PLEKHA7: variants seen among roughly 807,000 people sequenced by gnomAD.
The protein encoded by PLEKHA7 is pleckstrin homology domain-containing family A member 7.
A neutral mutation model predicts 170.0 loss-of-function variants in PLEKHA7; 104 were observed. That is an observed-to-expected ratio of 0.61 (90% CI 0.52 to 0.72). The LOEUF (loss-of-function observed/expected upper bound fraction) is 0.72. Ranked by LOEUF, PLEKHA7 falls within the 30% of genes least tolerant of loss-of-function variation. The pLI, the probability that PLEKHA7 is intolerant of heterozygous loss-of-function variation, is 0.00. For missense variants in PLEKHA7, 1,615 were observed against 1,671.7 expected, an observed-to-expected ratio of 0.97 and a Z score of 0.59; for synonymous variants, 648 against 660.8, an observed-to-expected ratio of 0.98 and a Z score of 0.30.
chr11:16,843,921 T>A (rs385943), intron 8 of PLEKHA7, among the ~76,000 whole-genome samples: 15,956 of 152,126 alleles, frequency 0.1, 905 homozygotes, highest in East Asian at 0.16. Context: ...TGGGTGACAG[T>A]GTGAGACTCT....
intron 3 of PLEKHA7, among the ~76,000 whole-genome samples, chr11:16,930,418 C>T: frequency 6.6e-6 from 1 of 151,982 alleles, no homozygotes; most frequent in Non-Finnish European, 1.5e-5. Context: ...TTCACTCCAG[C>T]CTGAGCAACA....
rs371208771 is a variant in PLEKHA7 at position 16,817,055 on chromosome 11, G to A, written c.1611C>T (p.Pro537=). 2.5e-6 allele frequency: 4 copies of A among 1,610,390 alleles called. No homozygotes were observed. The highest frequency in any genetic ancestry group is 3.4e-6 in the Non-Finnish European group (4 of 1,177,926). Residue 537 remains proline, a synonymous_variant, in exon 11 of 27, where the codon CCC becomes CCT. Transcript: ENST00000531066. The surrounding 1 kb of genome is among the most constrained non-coding windows in gnomAD (Gnocchi z 4.4). ...GGGAGCCAAGGCAGATGGGCGCTGT[G>A]GGGCTGCCGTGCCGGAACTGCTGGC... is the stretch of plus-strand genomic sequence containing the variant. The part of the protein sequence containing the change: ...QQRQQFRHGS[P]TAPICLGSPE...
chr11:16,861,537 T>G (rs1853952895), intron 4 of PLEKHA7, among the ~76,000 whole-genome samples: 1 of 151,916 alleles, frequency 6.6e-6, no homozygotes, highest in Non-Finnish European at 1.5e-5. Flanking sequence ...TAGTCCCACC[T>G]ACTAGGGAGG....
intron 3 of PLEKHA7, among the ~76,000 whole-genome samples, chr11:16,886,060 C>A (rs1856077820): frequency 6.6e-6 from 1 of 152,010 alleles, no homozygotes. Context: ...ACTGTTTCTT[C>A]CACAGAGTGA....
chr11:16,931,102 A>G (rs965331900), intron 3 of PLEKHA7, among the ~76,000 whole-genome samples: 2 of 152,226 alleles, frequency 1.3e-5, no homozygotes, highest in African/African-American at 4.8e-5. Context: ...AGCTTTATTG[A>G]TTTTTTAAAA....
chr11:16,882,860 T>TCACACA (rs768102944), intron 3 of PLEKHA7, among the ~76,000 whole-genome samples: 36 of 151,842 alleles, frequency 2.4e-4, no homozygotes, highest in African/African-American at 8.0e-4. Flanking sequence ...ATACACATAT[T>TCACACA]CACACACACA....
chr11:16,956,879 C>G (rs571087333), intron 3 of PLEKHA7, among the ~76,000 whole-genome samples: 1 of 116,862 alleles, frequency 8.6e-6, no homozygotes, highest in African/African-American at 3.4e-5. Flanking sequence ...AGCAGTTTAA[C>G]CAGTCAATGC....
intron 3 of PLEKHA7, among the ~76,000 whole-genome samples, chr11:16,949,441 A>G (rs1861267428): frequency 6.6e-6 from 1 of 152,216 alleles, no homozygotes; most frequent in African/African-American, 2.4e-5. Flanking sequence ...TGAAAATTGT[A>G]AACTCTCAGA....
intron 11 of PLEKHA7, 111 bp downstream of exon 11, chr11:16,816,689 G>A: frequency 1.5e-6 from 2 of 1,300,990 alleles, no homozygotes; most frequent in Non-Finnish European, 2.1e-6. Context: ...TACTGCCTAA[G>A]TATTAGCTAT....
At chr11:16,828,848 T>G (rs1850874706) in intron 9 of PLEKHA7, among the ~76,000 whole-genome samples, 1 of 152,188 alleles carries the variant, frequency 6.6e-6, no homozygotes, top group African/African-American at 2.4e-5. Flanking sequence ...GGGTTGGAGC[T>G]GCTGCAACTA....
At position 17,014,036 on chromosome 11, in the gene PLEKHA7, G is replaced by A; in HGVS notation, c.174C>T (p.Arg58=). Residue 58 remains arginine, a synonymous_variant, in exon 3 of 27, where the codon CGC becomes CGT. Coordinates refer to ENST00000531066, the MANE Select transcript of PLEKHA7 (RefSeq NM_001329630.2). ...CCTCCGTGAAGCCCTCCTCCCAGCC[G>A]CGGGGCAGGTCTGCGGAAACGCCAG... ...SGHMIRSDLP[R]GWEEGFTEEG... The A allele has an allele frequency of 1.3e-6, 2 of 1,558,302 alleles. No homozygotes were observed. Among genetic ancestry groups the A allele is most frequent in the Non-Finnish European group, 8.7e-7 (1 of 1,152,072 alleles).
intron 3 of PLEKHA7, among the ~76,000 whole-genome samples, chr11:16,987,407 T>C (rs1863801630): frequency 6.6e-6 from 1 of 152,034 alleles, no homozygotes. Flanking sequence ...TCCCTCCTTT[T>C]CCTCCTTAAG....
Position 16,789,303 on chromosome 11 carries a change from A to T in PLEKHA7, c.3157-7T>A. ...CCAAGGCACTCTTAGGTCTCTGAGG[A>T]AGAGGAGGCAGGCAAGAGAGACACA... is the stretch of plus-strand genomic sequence containing the variant. On this transcript the variant is annotated splice_polypyrimidine_tract_variant and splice_region_variant and intron_variant, in intron 22 of 26. Transcript: ENST00000531066. The surrounding 1 kb of genome is among the most constrained non-coding windows in gnomAD (Gnocchi z 4.6). 4 of 1,612,462 alleles carry T rather than the reference A, an allele frequency of 2.5e-6. No homozygotes were observed. The highest frequency in any genetic ancestry group is 3.4e-6 in the Non-Finnish European group (4 of 1,179,908).
In PLEKHA7 at chr11:16,951,044, A is replaced by G. The variant is rs568628999; in HGVS notation, c.221+62945T>C. On this transcript the variant is annotated intron_variant, in intron 3 of 26. Coordinates refer to ENST00000531066, the MANE Select transcript of PLEKHA7 (RefSeq NM_001329630.2). ...TCCCCAACATCCTTCTATTCTTTTA[A>G]TCATAACATTTACTGAGTGCTTGCT... 3.3e-5 allele frequency among the ~76,000 whole-genome samples: 5 copies of G among 152,260 alleles called. No individual in the cohort carries two copies. The East Asian group carries it at 7.7e-4, about 23-fold the overall frequency.
intron 3 of PLEKHA7, among the ~76,000 whole-genome samples, chr11:16,987,182 G>GCAAT (rs1411423830): frequency 6.6e-6 from 1 of 152,120 alleles, no homozygotes; most frequent in African/African-American, 2.4e-5. Flanking sequence ...GTTCACAGGG[G>GCAAT]CAATGCCTTG....
intron 3 of PLEKHA7, among the ~76,000 whole-genome samples, chr11:16,981,227 G>C (rs1863408540): frequency 6.6e-6 from 1 of 152,188 alleles, no homozygotes; most frequent in South Asian, 2.1e-4. Context: ...CTCTTATCAG[G>C]TGTTTACTAC....
At chr11:16,786,817 G>A in intron 23 of PLEKHA7, 1 of 985,366 alleles carries the variant, frequency 1.0e-6, no homozygotes, top group South Asian at 4.7e-5. Context: ...GCCCTGCTAA[G>A]CAAGAAGAAT....
intron 13 of PLEKHA7, among the ~76,000 whole-genome samples, chr11:16,808,726 G>A (rs1371044911): frequency 6.6e-6 from 1 of 152,154 alleles, no homozygotes. Context: ...GTGCTTCACC[G>A]CAGCATAAAG....
rs71484744 is a variant in PLEKHA7 at position 16,925,672 on chromosome 11, G to A, written c.222-54490C>T. Among the ~76,000 whole-genome samples, 529 of 152,298 alleles carry A rather than the reference G, an allele frequency of 3.5e-3. 2 individuals are homozygous for A. Among genetic ancestry groups the A allele is most frequent in the Non-Finnish European group, 6.2e-3 (421 of 68,012 alleles). On this transcript the variant is annotated intron_variant, in intron 3 of 26. Coordinates refer to ENST00000531066, the MANE Select transcript of PLEKHA7 (RefSeq NM_001329630.2). ...GGCGCTGGGCTACGGAGCGCGCCGG[G>A]GCCTCAGCTCGCCCGCGGCGCATCG...
Sources: gnomAD v4.1 joint callset for allele counts (sites outside exome capture counted in the v4.1 genomes callset) on GRCh38, gnomAD v4.1.1 for gene constraint, Gnocchi (gnomAD v3.1) non-coding constraint, MANE v1.5 for transcripts, NCBI Gene and HGNC (gene_info 2026-07-23, HGNC 2026-07-21) for gene names.